The following SOX5 variants were observed in gnomAD, a reference collection of about 807,000 sequenced individuals.
The protein encoded by SOX5 is transcription factor SOX-5.
SOX5 carries 9 observed loss-of-function variants against 92.0 expected under a neutral mutation model. The ratio of observed to expected loss-of-function variants is 0.10; its 90% CI spans 0.06 to 0.17. The LOEUF (loss-of-function observed/expected upper bound fraction) is 0.17. Among genes scored for constraint, SOX5 ranks in the 10% least tolerant of loss-of-function variants. The probability of loss-of-function intolerance (pLI) is 1.00; values close to 1 mark genes in which losing one functional copy is unlikely to be tolerated. For synonymous variants in SOX5, 344 were observed against 336.3 expected (o/e 1.02, Z -0.25); for missense variants, 642 against 944.5 (o/e 0.68, Z 4.20).
At chr12:24,429,545 A>G (rs1723348132) in intron 1 of SOX5, among the ~76,000 whole-genome samples, 1 of 152,042 alleles carries the variant, frequency 6.6e-6, no homozygotes, top group South Asian at 2.1e-4. Flanking sequence ...TCCATATAAA[A>G]TAAATTAAAA....
intron 1 of SOX5, among the ~76,000 whole-genome samples, chr12:24,508,283 T>C (rs1242456069): frequency 2.0e-5 from 3 of 151,906 alleles, no homozygotes; most frequent in African/African-American, 4.8e-5. Context: ...AGAAGCCTAC[T>C]GAAAAAACTG....
chr12:23,790,048 A>T (rs1208645407), intron 3 of SOX5, among the ~76,000 whole-genome samples: 1 of 152,190 alleles, frequency 6.6e-6, no homozygotes, highest in Non-Finnish European at 1.5e-5. Context: ...AAATCCTTAC[A>T]CTCTGCCTAA....
chr12:23,977,094 C>T (rs770446529), intron 4 of SOX5, among the ~76,000 whole-genome samples: 1 of 151,998 alleles, frequency 6.6e-6, no homozygotes, highest in African/African-American at 2.4e-5. Context: ...AAAACTACTT[C>T]GGGATAGAAA....
chr12:23,931,118 T>C (rs1941313853), intron 1 of SOX5, among the ~76,000 whole-genome samples: 1 of 151,808 alleles, frequency 6.6e-6, no homozygotes, highest in Non-Finnish European at 1.5e-5. Context: ...AAGTATTTCA[T>C]GAAAGAATGC....
chr12:23,750,352 C>T (rs114107254), intron 4 of SOX5, among the ~76,000 whole-genome samples: 5 of 151,900 alleles, frequency 3.3e-5, no homozygotes, highest in African/African-American at 2.4e-5. Flanking sequence ...AAATCATAAT[C>T]GGCAACTTTT....
Position 24,268,717 on chromosome 12 carries a change from C to T in SOX5, c.-77+8499G>A, listed in dbSNP as rs74664689. ...GCATCAGGAGCCTTTATTTGTGAAA[C>T]CTAAAATCTGTGCCTTCTTTATTAA... On this transcript the variant is annotated intron_variant, in intron 3 of 4. Coordinates refer to the SOX5 transcript ENST00000446891. Among the ~76,000 whole-genome samples the T allele has an allele frequency of 3.6e-3, 552 of 152,268 alleles. 8 individuals are homozygous for T. The highest frequency in any genetic ancestry group is 0.013 in the African/African-American group (533 of 41,574).
intron 1 of SOX5, among the ~76,000 whole-genome samples, chr12:23,934,436 CATT>C (rs534747651): frequency 1.3e-4 from 19 of 148,686 alleles, no homozygotes; most frequent in East Asian, 7.9e-4. Context: ...TATGTATACA[CATT>C]ATACACATAC....
intron 3 of SOX5, among the ~76,000 whole-genome samples, chr12:23,843,552 T>TC (rs1312878323): frequency 7.9e-6 from 1 of 126,610 alleles, no homozygotes; most frequent in Non-Finnish European, 1.6e-5. Context: ...CAGTCATTTC[T>TC]CCTTTTTTTT....
At chr12:24,347,765 A>C (rs552828266) in intron 2 of SOX5, among the ~76,000 whole-genome samples, 1 of 152,210 alleles carries the variant, frequency 6.6e-6, no homozygotes, top group Middle Eastern at 3.2e-3. Flanking sequence ...GTATTAAACT[A>C]TCTGTCATGA....
chr12:23,735,951 T>A (rs2093576220), intron 5 of SOX5, among the ~76,000 whole-genome samples: 1 of 152,192 alleles, frequency 6.6e-6, no homozygotes, highest in East Asian at 1.9e-4. Flanking sequence ...AGGCCATGTA[T>A]ATTTTACTCA....
At chr12:23,799,019 G>C (rs1014239507) in intron 3 of SOX5, among the ~76,000 whole-genome samples, 5 of 151,902 alleles carry the variant, frequency 3.3e-5, no homozygotes, top group Non-Finnish European at 7.4e-5. Flanking sequence ...ATAATTGGAA[G>C]ACTTCTTCCC....
intron 4 of SOX5, among the ~76,000 whole-genome samples, chr12:24,016,752 A>C (rs7966711): frequency 0.89 from 135,213 of 152,116 alleles, 60,760 homozygotes; most frequent in Non-Finnish European, 0.95. Flanking sequence ...AACCTTTTCC[A>C]AAGATTTTTT....
chr12:24,154,133 G>C (rs1951929079), intron 4 of SOX5, among the ~76,000 whole-genome samples: 1 of 152,108 alleles, frequency 6.6e-6, no homozygotes, highest in African/African-American at 2.4e-5. Flanking sequence ...TTATCTAGGA[G>C]AGCAGTAGTA....
chr12:24,394,949 C>T (rs1320524976), intron 1 of SOX5, among the ~76,000 whole-genome samples: 1 of 152,044 alleles, frequency 6.6e-6, no homozygotes, highest in Non-Finnish European at 1.5e-5. Flanking sequence ...CTTCAAGAGG[C>T]CAGAGACAAT....
intron 1 of SOX5, among the ~76,000 whole-genome samples, chr12:24,524,309 C>T (rs1435370068): frequency 6.6e-6 from 1 of 152,134 alleles, no homozygotes; most frequent in East Asian, 1.9e-4. Flanking sequence ...CCTCCATACC[C>T]ATGAGCCAAT....
chr12:23,690,002 C>T (rs1302898507), intron 6 of SOX5, among the ~76,000 whole-genome samples: 2 of 152,080 alleles, frequency 1.3e-5, no homozygotes, highest in Non-Finnish European at 2.9e-5. Flanking sequence ...AAAACTGAGC[C>T]CTTTTCCATA....
At chr12:24,169,168 C>A (rs916038369) in intron 4 of SOX5, among the ~76,000 whole-genome samples, 1 of 151,996 alleles carries the variant, frequency 6.6e-6, no homozygotes, top group African/African-American at 2.4e-5. Flanking sequence ...AAATAGAAGT[C>A]ATTTTTATTA....
At chr12:23,950,459 A>G (rs1026701491), upstream of SOX5, among the ~76,000 whole-genome samples, 1 of 152,162 alleles carries the variant, frequency 6.6e-6, no homozygotes, top group Non-Finnish European at 1.5e-5. Context: ...AACCCGACCA[A>G]AGTTTCCTCA....
At chr12:24,402,161 T>C (rs1055619752) in intron 1 of SOX5, among the ~76,000 whole-genome samples, 3 of 152,170 alleles carry the variant, frequency 2.0e-5, no homozygotes, top group Non-Finnish European at 4.4e-5. Context: ...CCAATGTTAG[T>C]GGGAGTATGG....
Sources: allele counts gnomAD v4.1 joint callset (sites outside exome capture counted in the v4.1 genomes callset), GRCh38; gene constraint gnomAD v4.1.1; transcripts MANE v1.5; gene names NCBI Gene and HGNC (gene_info 2026-07-23, HGNC 2026-07-21).